Variants in ZNF326 observed in about 807,000 individuals in gnomAD.
ZNF326 encodes DBIRD complex subunit ZNF326.
A neutral mutation model predicts 63.1 loss-of-function variants in ZNF326; 30 were observed. The ratio of observed to expected loss-of-function variants is 0.48; its 90% CI spans 0.36 to 0.64. ZNF326 has a LOEUF of 0.64. ZNF326 is among the 30% of genes least tolerant of loss of function. The pLI is 0.00. For missense variants in ZNF326, 609 were observed against 720.3 expected, an observed-to-expected ratio of 0.85 and a Z score of 1.77; for synonymous variants, 194 against 228.2, an observed-to-expected ratio of 0.85 and a Z score of 1.35.
At chr1:90,004,798 C>CTTTTTTTT (rs34878438) in intron 2 of ZNF326, among the ~76,000 whole-genome samples, 31 of 68,116 alleles carry the variant, frequency 4.6e-4, no homozygotes, top group East Asian at 1.0e-3. Context: ...AATATCAGGG[C>CTTTTTTTT]TTTTTTTTTT....
intron 9 of ZNF326, among the ~76,000 whole-genome samples, chr1:90,019,173 CAAG>C (rs1374110718): frequency 2.6e-5 from 4 of 151,442 alleles, no homozygotes; most frequent in African/African-American, 7.3e-5. Flanking sequence ...CAAAACAAAA[CAAG>C]AACAAAAACA....
intron 2 of ZNF326, among the ~76,000 whole-genome samples, chr1:90,001,373 G>GA (rs1166141145): frequency 1.3e-5 from 2 of 152,136 alleles, no homozygotes; most frequent in Non-Finnish European, 2.9e-5. Flanking sequence ...GTTGTCTTCA[G>GA]AAAAAACAGC....
Position 90,029,335 on chromosome 1 carries a change from A to G in ZNF326, c.*1634A>G, listed in dbSNP as rs779360192. 1.3e-5 allele frequency: 2 copies of G among 151,512 alleles called. No individual in the cohort carries two copies. The highest frequency in any genetic ancestry group is 2.9e-5 in the Non-Finnish European group (2 of 67,964). The allele number at this position is 151,512 out of a possible 1,614,324, so 9.4% of individuals were successfully genotyped here. On this transcript the variant is annotated 3_prime_UTR_variant, in exon 12 of 12. Transcript: ENST00000340281. ...GTTTGCCTAGCTTTAAGCTAGCAAT[A>G]TCTGATAGATACTTGCATCTAATTT...
chr1:90,030,811 G>A lies in ZNF326; in HGVS notation c.*3110G>A, dbSNP rs562215269. The A allele has an allele frequency of 2.1e-4, 32 of 152,278 alleles. No individual in the cohort carries two copies. Among genetic ancestry groups the A allele is most frequent in the Non-Finnish European group, 4.0e-4 (27 of 68,118 alleles). The allele number at this position is 152,278 out of a possible 1,614,324, so 9.4% of individuals were successfully genotyped here. A position where few individuals can be genotyped will look rare whatever the true frequency, so the allele number is the denominator to read the frequency against. On this transcript the variant is annotated 3_prime_UTR_variant, in exon 12 of 12. Coordinates refer to ENST00000340281, the MANE Select transcript of ZNF326 (RefSeq NM_182976.4). ...CTCCCAAGTAGCTGGGACCACAGACGTGCACCATCACACTCAGCTAATATT... is the reference window on the plus strand; with the variant it reads ...CTCCCAAGTAGCTGGGACCACAGACATGCACCATCACACTCAGCTAATATT...
At position 90,033,476 on chromosome 1, in the gene ZNF326, CTCA is replaced by C. The variant is rs748006704; in HGVS notation, c.*5780_*5782del. ...ACTTATAATAGTTTCATATGTAATC[CTCA>C]TCATATTATATGTCATAATCTTCAA... On this transcript the variant is annotated 3_prime_UTR_variant, in exon 12 of 12. Coordinates refer to ENST00000340281, the MANE Select transcript of ZNF326 (RefSeq NM_182976.4). 17 of 151,960 alleles carry C rather than the reference CTCA, an allele frequency of 1.1e-4. No homozygotes were observed. Among genetic ancestry groups the C allele is most frequent in the Non-Finnish European group, 1.9e-4 (13 of 67,978 alleles). The allele number at this position is 151,960 out of a possible 1,614,324, so 9.4% of individuals were successfully genotyped here.
intron 7 of ZNF326, among the ~76,000 whole-genome samples, chr1:90,013,970 C>T (rs1570309343): frequency 2.0e-5 from 3 of 151,840 alleles, no homozygotes; most frequent in Admixed American, 6.6e-5. Context: ...GAGGCTGAGG[C>T]GGGACGATGG....
chr1:89,998,192 A>G (rs762927020), intron 2 of ZNF326, 38 bp downstream of exon 2: 1 of 1,602,174 alleles, frequency 6.2e-7, no homozygotes, highest in South Asian at 1.1e-5. Flanking sequence ...TCATGCGCAT[A>G]AAAATATAGT....
At chr1:90,025,400 G>A (rs138564078) in intron 11 of ZNF326, among the ~76,000 whole-genome samples, 1,596 of 152,226 alleles carry the variant, frequency 0.01, 13 homozygotes, top group South Asian at 0.016. Context: ...GGGTTCAAAC[G>A]ATTCTCCTGG....
At chr1:90,006,533 T>G (rs1253581383) in intron 4 of ZNF326, 1 of 936,168 alleles carries the variant, frequency 1.1e-6, no homozygotes, top group African/African-American at 1.8e-5. Context: ...GAGGAGACTG[T>G]GTGCTCCCTT....
Position 90,013,154 on chromosome 1 carries a change from A to C in ZNF326, c.843A>C (p.Glu281Asp). The C allele has an allele frequency of 1.2e-6, 2 of 1,612,858 alleles. No homozygotes were observed. The highest frequency in any genetic ancestry group is 1.7e-6 in the Non-Finnish European group (2 of 1,179,566). The part of the protein sequence containing the change: ...PTKTDPKNEE[E>D]EKRRIEARRE... ...AAACTGATCCTAAAAATGAAGAGGAAGAAAAGCGGCGAATTGAGGCTCGGC... is the reference window on the plus strand; with the variant it reads ...AAACTGATCCTAAAAATGAAGAGGACGAAAAGCGGCGAATTGAGGCTCGGC... Residue 281 changes from glutamate (E) to aspartate (D), a missense_variant, in exon 7 of 12, where the codon GAA becomes GAC. Glu to Asp is a conservative substitution (Grantham distance 45, BLOSUM62 2). Transcript: ENST00000340281.
intron 2 of ZNF326, among the ~76,000 whole-genome samples, chr1:90,001,553 T>C (rs1039291684): frequency 1.1e-4 from 9 of 78,272 alleles, no homozygotes; most frequent in African/African-American, 3.2e-4. Flanking sequence ...GGTCAGTTTT[T>C]AATTTTTTTT....
chr1:90,004,287 A>G (rs1423112349), intron 2 of ZNF326, among the ~76,000 whole-genome samples: 3 of 151,978 alleles, frequency 2.0e-5, no homozygotes, highest in African/African-American at 7.3e-5. Flanking sequence ...CTGTGATTTT[A>G]CTTTTTAAAA....
intron 1 of ZNF326, 131 bp from the exon 2 acceptor site, chr1:89,997,979 A>G (rs961545351): frequency 7.5e-6 from 5 of 668,410 alleles, no homozygotes; most frequent in Admixed American, 3.0e-5. Flanking sequence ...TGTTTTAACT[A>G]TTCTCAGTTT....
intron 5 of ZNF326, among the ~76,000 whole-genome samples, chr1:90,008,994 T>A (rs1050757266): frequency 5.3e-5 from 8 of 152,164 alleles, no homozygotes; most frequent in Admixed American, 5.2e-4. Context: ...TTGAAAATAG[T>A]TGGGATGATA....
At chr1:89,997,638 T>C (rs1648453985) in intron 1 of ZNF326, among the ~76,000 whole-genome samples, 1 of 152,232 alleles carries the variant, frequency 6.6e-6, no homozygotes, top group South Asian at 2.1e-4. Context: ...TCCCAAGTGC[T>C]GGGATTACAG....
chr1:90,009,946 T>C lies in ZNF326; in HGVS notation c.616-142T>C. On this transcript the variant is annotated intron_variant, in intron 5 of 11. Transcript: ENST00000340281. ...TTACAGAGTTTTTCAATGTGTTTTT[T>C]CAGAATGGACATGTAAAATTTAGTT... The C allele has an allele frequency of 7.1e-6, 5 of 701,172 alleles. No individual in the cohort carries two copies. In the East Asian group the frequency reaches 8.3e-5, roughly 12 times the overall value. The allele number at this position is 701,172 out of a possible 1,614,324, so 43.4% of individuals were successfully genotyped here.
At chr1:89,998,732 A>G (rs1235369979) in intron 2 of ZNF326, among the ~76,000 whole-genome samples, 2 of 152,176 alleles carry the variant, frequency 1.3e-5, no homozygotes, top group Non-Finnish European at 2.9e-5. Context: ...TTTGATAGTT[A>G]TTAGAGTTAG....
chr1:90,028,458 T>A lies in ZNF326; in HGVS notation c.*757T>A, dbSNP rs547675095. On this transcript the variant is annotated 3_prime_UTR_variant, in exon 12 of 12. Coordinates refer to ENST00000340281, the MANE Select transcript of ZNF326 (RefSeq NM_182976.4). ...GAGTTTGAACTGACCTTATTTATAC[T>A]CTTTTTAAGTTTGTTCCTTTTCCCT... is the stretch of plus-strand genomic sequence containing the variant. 6.6e-6 allele frequency: 1 copy of A among 152,216 alleles called. No homozygotes were observed. The highest frequency in any genetic ancestry group is 1.5e-5 in the Non-Finnish European group (1 of 68,024). 9.4% of individuals were successfully genotyped at this position (152,216 alleles called of 1,614,324 possible).
chr1:90,005,151 G>A lies in ZNF326; in HGVS notation c.116G>A (p.Gly39Asp). The change falls in exon 4 of 12, where the codon GGC becomes GAC. Residue 39 changes from glycine to aspartate, a missense_variant. Coordinates refer to ENST00000340281, the MANE Select transcript of ZNF326 (RefSeq NM_182976.4). ...CTTATAGGGATGGATCGTGACTATG[G>A]CCATGGATCCTATGGGGGTCAGAGA... is the stretch of plus-strand genomic sequence containing the variant. ...GSYGGMDRDY[G>D]HGSYGGQRSM... 1 of 1,613,890 alleles carries A rather than the reference G, an allele frequency of 6.2e-7. No homozygotes were observed. The highest frequency in any genetic ancestry group is 2.2e-5 in the East Asian group (1 of 44,840).
Sources: gnomAD v4.1 joint callset for allele counts (sites outside exome capture counted in the v4.1 genomes callset) on GRCh38, gnomAD v4.1.1 for gene constraint, MANE v1.5 for transcripts, NCBI Gene and HGNC (gene_info 2026-07-23, HGNC 2026-07-21) for gene names.